UNC13C: variants seen among roughly 807,000 people sequenced by gnomAD.
UNC13C encodes the protein unc-13 homolog C.
In UNC13C, 174 loss-of-function variants were observed where a neutral mutation model predicts 245.4. That is an observed-to-expected ratio of 0.71 (90% CI 0.63 to 0.80). The LOEUF is 0.80. UNC13C is among the 30% of genes least tolerant of loss of function. The pLI, the probability that UNC13C is intolerant of heterozygous loss-of-function variation, is 0.00. For missense variants in UNC13C, 2,829 were observed against 2,602.9 expected (o/e 1.09, Z -1.89); for synonymous variants, 992 against 895.1 (o/e 1.11, Z -1.93).
intron 30 of UNC13C, among the ~76,000 whole-genome samples, chr15:54,573,011 A>T (rs1286949254): frequency 6.6e-6 from 1 of 152,122 alleles, no homozygotes; most frequent in Non-Finnish European, 1.5e-5. Flanking sequence ...TAATATAAGG[A>T]AAAAGCCAAT....
the UNC13C span, among the ~76,000 whole-genome samples, chr15:53,926,955 T>G: frequency 6.6e-6 from 1 of 152,148 alleles, no homozygotes; most frequent in Non-Finnish European, 1.5e-5. Context: ...GAGGGTTACT[T>G]TCCGTGAGTA....
chr15:54,320,466 A>G (rs998782468), intron 13 of UNC13C, among the ~76,000 whole-genome samples: 1 of 152,032 alleles, frequency 6.6e-6, no homozygotes, highest in Non-Finnish European at 1.5e-5. Flanking sequence ...GGTGCAAAAA[A>G]TATCTGCATT....
chr15:54,305,084 A>G (rs1411604605), intron 13 of UNC13C, among the ~76,000 whole-genome samples: 2 of 152,116 alleles, frequency 1.3e-5, no homozygotes, highest in Non-Finnish European at 2.9e-5. Flanking sequence ...GAGAAATCAT[A>G]TCTTTCATTA....
In UNC13C at chr15:54,555,480, G is replaced by A. The variant is rs761181234; in HGVS notation, c.5926G>A (p.Ala1976Thr). 17 of 1,612,114 alleles carry A rather than the reference G, an allele frequency of 1.1e-5. No homozygotes were observed. The highest frequency in any genetic ancestry group is 1.7e-4 in the Middle Eastern group (1 of 6,048). The change falls in exon 29 of 33, where the codon GCT becomes ACT. Residue 1976 changes from alanine (A) to threonine (T), a missense_variant. By Grantham distance (58) the Ala-to-Thr change is moderately conservative. Coordinates refer to ENST00000260323, the MANE Select transcript of UNC13C (RefSeq NM_001080534.3). ...DARGLTPRQC[A>T]IMEVVLATIK... ...CAGGGGTCTGACGCCAAGACAATGC[G>A]CTATAATGGAGGTAGTCCTGGCTAC...
chr15:54,029,544 G>A (rs16973981), intron 2 of UNC13C, among the ~76,000 whole-genome samples: 4,929 of 152,232 alleles, frequency 0.032, 263 homozygotes, highest in African/African-American at 0.11. Context: ...GAATGACATC[G>A]TGGTTATAAG....
rs377726106 is a variant in UNC13C, at chr15:54,250,438, T to G, written c.3442T>G (p.Leu1148Val). Reference sequence around the variant, plus strand: ...TCAGGACCTGCTAAACGCTGACTGCTTGCAGAGTGAGTACTTGGTTTGGCT... The same window carrying G: ...TCAGGACCTGCTAAACGCTGACTGCGTGCAGAGTGAGTACTTGGTTTGGCT... ...KCQDLLNADC[L>V]QRAAEKSSKH... Residue 1148 changes from leucine (L) to valine (V), a missense_variant, in exon 8 of 33, where the codon TTG (leucine) becomes GTG (valine). Coordinates refer to ENST00000260323, the MANE Select transcript of UNC13C (RefSeq NM_001080534.3). 6.2e-7 allele frequency: 1 copy of G among 1,605,438 alleles called. No individual in the cohort carries two copies.
intron 2 of UNC13C, among the ~76,000 whole-genome samples, chr15:54,139,205 G>A (rs920426030): frequency 5.9e-5 from 9 of 151,508 alleles, no homozygotes; most frequent in African/African-American, 1.9e-4. Flanking sequence ...TGATCTGCCC[G>A]CCTCAGCCTC....
chr15:54,254,666 G>T (rs542571742), intron 8 of UNC13C, among the ~76,000 whole-genome samples: 3 of 152,298 alleles, frequency 2.0e-5, no homozygotes, highest in East Asian at 1.9e-4. Context: ...AAGATTTAGT[G>T]TCTCATCAAA....
At position 54,623,780 on chromosome 15, in the gene UNC13C, T is replaced by C; in HGVS notation, c.6200-15T>C. On this transcript the variant is annotated splice_polypyrimidine_tract_variant and intron_variant, in intron 31 of 32. Transcript: ENST00000260323. ...CACATCTGTTTGCTAAAATGTGATA[T>C]TTCCTTTTTTTTAGTGATTGCTATT... The C allele has an allele frequency of 6.2e-7, 1 of 1,603,568 alleles. No homozygotes were observed.
intron 4 of UNC13C, among the ~76,000 whole-genome samples, chr15:54,209,094 CT>C (rs2034800494): frequency 6.6e-6 from 1 of 152,074 alleles, no homozygotes; most frequent in Non-Finnish European, 1.5e-5. Context: ...ACAAACTAGT[CT>C]TTTAGGCCCT....
At chr15:54,515,887 C>T (rs924472887) in intron 24 of UNC13C, among the ~76,000 whole-genome samples, 1 of 152,126 alleles carries the variant, frequency 6.6e-6, no homozygotes. Context: ...CTGTGTCATA[C>T]CATGGTGGTA....
At chr15:54,503,021 C>G (rs1429225746) in intron 22 of UNC13C, among the ~76,000 whole-genome samples, 1 of 149,402 alleles carries the variant, frequency 6.7e-6, no homozygotes, top group East Asian at 2.0e-4. Context: ...GGTGGGAGGT[C>G]ACAAGGAAGG....
At chr15:54,552,443 C>T (rs9796516) in intron 28 of UNC13C, among the ~76,000 whole-genome samples, 517 of 1,982 alleles carry the variant, frequency 0.26, 26 homozygotes, top group Admixed American at 0.29. Flanking sequence ...TTATATATTA[C>T]AATATATAAT....
chr15:53,900,087 A>G, the UNC13C span, among the ~76,000 whole-genome samples: 1 of 152,204 alleles, frequency 6.6e-6, no homozygotes, highest in Non-Finnish European at 1.5e-5. Flanking sequence ...GAATCCTACT[A>G]TTAAAATACC....
intron 4 of UNC13C, among the ~76,000 whole-genome samples, chr15:54,213,406 C>A (rs1036189201): frequency 1.3e-5 from 2 of 151,928 alleles, no homozygotes; most frequent in African/African-American, 4.8e-5. Context: ...GAAAGTCAAA[C>A]ATGTGCAGAC....
chr15:53,920,694 A>G, the UNC13C span, among the ~76,000 whole-genome samples: 3 of 152,120 alleles, frequency 2.0e-5, no homozygotes, highest in Non-Finnish European at 4.4e-5. Flanking sequence ...GAAGCATAGC[A>G]ACTGAGAGTG....
At chr15:54,056,460 T>G (rs2141065147) in intron 2 of UNC13C, among the ~76,000 whole-genome samples, 1 of 152,174 alleles carries the variant, frequency 6.6e-6, no homozygotes, top group East Asian at 1.9e-4. Flanking sequence ...TGGGACTATG[T>G]GAAAAGACCA....
intron 26 of UNC13C, among the ~76,000 whole-genome samples, chr15:54,545,734 G>A (rs1319903946): frequency 6.6e-6 from 1 of 152,012 alleles, no homozygotes; most frequent in African/African-American, 2.4e-5. Flanking sequence ...ATTATTACTG[G>A]TCATTTGCAT....
chr15:54,466,973 G>GT (rs1355218256), intron 19 of UNC13C, among the ~76,000 whole-genome samples: 1 of 151,822 alleles, frequency 6.6e-6, no homozygotes, highest in Non-Finnish European at 1.5e-5. Context: ...CAGAGCTACT[G>GT]TATTGACCAG....
Sources: gnomAD v4.1 joint callset for allele counts (sites outside exome capture counted in the v4.1 genomes callset) on GRCh38, gnomAD v4.1.1 for gene constraint, MANE v1.5 for transcripts, NCBI Gene and HGNC (gene_info 2026-07-23, HGNC 2026-07-21) for gene names.